The following DENND5B variants were observed in gnomAD, a reference collection of about 807,000 sequenced individuals.
DENND5B encodes the protein DENN domain-containing protein 5B.
Under a neutral mutation model 140.6 loss-of-function variants are expected in DENND5B, and 34 were observed. The observed-to-expected ratio is 0.24, with a 90% CI of 0.18 to 0.32. The LOEUF (loss-of-function observed/expected upper bound fraction) is 0.32, where lower values mean the gene tolerates loss of function less well. DENND5B is among the 10% of genes least tolerant of loss of function. The probability of loss-of-function intolerance (pLI) is 1.00; values close to 1 mark genes in which losing one functional copy is unlikely to be tolerated. For missense variants in DENND5B, 1,142 were observed against 1,560.2 expected (o/e 0.73, Z 4.52); for synonymous variants, 551 against 562.1 (o/e 0.98, Z 0.28).
At chr12:31,408,483 C>A (rs190900741) in intron 14 of DENND5B, among the ~76,000 whole-genome samples, 6 of 151,344 alleles carry the variant, frequency 4.0e-5, no homozygotes, top group Non-Finnish European at 8.8e-5. Flanking sequence ...AAAAATTAGC[C>A]GGGTGTGGTG....
At chr12:31,398,073 TA>T in intron 17 of DENND5B, 101 bp downstream of exon 17, 1 of 973,048 alleles carries the variant, frequency 1.0e-6, no homozygotes, top group Non-Finnish European at 1.4e-6. Flanking sequence ...TTCTTCTTTT[TA>T]AAATCTCCTC....
Position 31,499,659 on chromosome 12 carries a change from C to T in DENND5B, c.128-3740G>A, listed in dbSNP as rs1946929070. The T allele has an allele frequency of 2.0e-6, 3 of 1,498,414 alleles. No homozygotes were observed. The East Asian group carries it at 7.5e-5, about 38-fold the overall frequency. The allele number at this position is 1,498,414 out of a possible 1,614,324, so 92.8% of individuals were successfully genotyped here. A position where few individuals can be genotyped will look rare whatever the true frequency, so the allele number is the denominator to read the frequency against. On this transcript the variant is annotated intron_variant, in intron 1 of 20. Transcript: ENST00000389082. ...CTTGCCATGACGATCTGCTTCTAGC[C>T]ATTGGTACAAAACTACATAATGTAA...
intron 1 of DENND5B, among the ~76,000 whole-genome samples, chr12:31,510,532 A>C (rs1449966444): frequency 1.3e-5 from 2 of 152,142 alleles, no homozygotes; most frequent in African/African-American, 4.8e-5. Context: ...TCAGTTCCTT[A>C]TGGTTGTAGA....
chr12:31,447,788 G>A lies in DENND5B; in HGVS notation c.1630-19C>T. On this transcript the variant is annotated intron_variant, in intron 5 of 20. Transcript: ENST00000389082. ...AGGAAGCCTGTAATGAGATAATTAGGAAATTATTAGTGCAAAGAGACCATC... is the reference window on the plus strand; with the variant it reads ...AGGAAGCCTGTAATGAGATAATTAGAAAATTATTAGTGCAAAGAGACCATC... The A allele has an allele frequency of 6.6e-7, 1 of 1,516,756 alleles. No homozygotes were observed. Among genetic ancestry groups the A allele is most frequent in the Non-Finnish European group, 9.0e-7 (1 of 1,112,026 alleles). 94.0% of individuals were successfully genotyped at this position (1,516,756 alleles called of 1,614,324 possible). A position where few individuals can be genotyped will look rare whatever the true frequency, so the allele number is the denominator to read the frequency against.
rs985521196 is a variant in DENND5B, at chr12:31,563,988, A to G, written c.127+26718T>C. ...AAAAATTAGCTGAGCATGGTAGTGC[A>G]TGCCTGTAATCCCAGCTACTAGGGA... On this transcript the variant is annotated intron_variant, in intron 1 of 20. Coordinates refer to ENST00000389082, the MANE Select transcript of DENND5B (RefSeq NM_144973.4). 5.9e-5 allele frequency among the ~76,000 whole-genome samples: 9 copies of G among 152,130 alleles called. 1 individual carries two copies. The highest frequency in any genetic ancestry group is 3.9e-4 in the Admixed American group (6 of 15,258).
chr12:31,522,314 G>A (rs1019026877), intron 1 of DENND5B, among the ~76,000 whole-genome samples: 9 of 152,302 alleles, frequency 5.9e-5, no homozygotes, highest in African/African-American at 1.7e-4. Context: ...GCCATATCAG[G>A]AACTAAAATT....
intron 1 of DENND5B, among the ~76,000 whole-genome samples, chr12:31,553,343 G>A (rs548165227): frequency 6.6e-6 from 1 of 152,296 alleles, no homozygotes; most frequent in South Asian, 2.1e-4. Context: ...TCAGGAGCAG[G>A]TTGTTCAGTT....
chr12:31,551,708 C>T (rs1949068374), intron 1 of DENND5B, among the ~76,000 whole-genome samples: 1 of 152,104 alleles, frequency 6.6e-6, no homozygotes, highest in South Asian at 2.1e-4. Context: ...ATGGAATGTT[C>T]TTCCATTTGT....
At position 31,385,505 on chromosome 12, in the gene DENND5B, C is replaced by T. The variant is rs1940812520; in HGVS notation, c.*2098G>A. 1 of 152,156 alleles carries T rather than the reference C, an allele frequency of 6.6e-6. No homozygotes were observed. Among genetic ancestry groups the T allele is most frequent in the African/African-American group, 2.4e-5 (1 of 41,430 alleles). The allele number at this position is 152,156 out of a possible 1,614,324, so 9.4% of individuals were successfully genotyped here. A position where few individuals can be genotyped will look rare whatever the true frequency, so the allele number is the denominator to read the frequency against. On this transcript the variant is annotated 3_prime_UTR_variant, in exon 21 of 21. Transcript: ENST00000389082. The stretch of plus-strand genomic sequence containing the variant: ...ACATGAAATCCTGGGTTGGACCCCT[C>T]TATAGTTTCTGATCACCAAACACAG...
At chr12:31,543,390 T>C (rs1948752544) in intron 1 of DENND5B, among the ~76,000 whole-genome samples, 1 of 152,224 alleles carries the variant, frequency 6.6e-6, no homozygotes, top group African/African-American at 2.4e-5. Context: ...TGACTTTTTA[T>C]AAAAGTAATT....
At chr12:31,527,231 A>G (rs1948115742) in intron 1 of DENND5B, among the ~76,000 whole-genome samples, 1 of 152,192 alleles carries the variant, frequency 6.6e-6, no homozygotes, top group Admixed American at 6.5e-5. Context: ...GACATGAAGG[A>G]GGTGAGACAG....
chr12:31,397,339 G>C (rs1941529117), intron 17 of DENND5B, among the ~76,000 whole-genome samples: 1 of 151,920 alleles, frequency 6.6e-6, no homozygotes, highest in Non-Finnish European at 1.5e-5. Context: ...TCAAGGTCAA[G>C]AGATTGAGAC....
chr12:31,576,731 GT>G (rs201747049), intron 1 of DENND5B, among the ~76,000 whole-genome samples: 1 of 151,288 alleles, frequency 6.6e-6, no homozygotes, highest in Non-Finnish European at 1.5e-5. Context: ...AAAAAAAAAT[GT>G]TTTTTTTAAT....
chr12:31,590,076 C>CCT (rs1340812642), intron 1 of DENND5B: 1 of 152,396 alleles, frequency 6.6e-6, no homozygotes, highest in Non-Finnish European at 1.5e-5. Context: ...TCCAAAGGTC[C>CCT]CTGCCAGCTC....
intron 7 of DENND5B, among the ~76,000 whole-genome samples, chr12:31,439,474 CATATT>C (rs1943926553): frequency 7.9e-6 from 1 of 126,176 alleles, no homozygotes; most frequent in Middle Eastern, 4.1e-3. Flanking sequence ...TGTTACTTGA[CATATT>C]AGGTTCCTTT....
chr12:31,502,294 G>A lies in DENND5B; in HGVS notation c.128-6375C>T, dbSNP rs184376170. 1.1e-3 allele frequency among the ~76,000 whole-genome samples: 170 copies of A among 151,986 alleles called. 1 individual carries two copies. Among genetic ancestry groups the A allele is most frequent in the Middle Eastern group, 6.8e-3 (2 of 294 alleles). ...CACGCCACTGCACTCCAGCCTGGGT[G>A]ACAGAGCAAAGCTGTCTCAAAAACA... On this transcript the variant is annotated intron_variant, in intron 1 of 20. Coordinates refer to ENST00000389082, the MANE Select transcript of DENND5B (RefSeq NM_144973.4).
chr12:31,558,774 C>G (rs1016287440), intron 1 of DENND5B, among the ~76,000 whole-genome samples: 7 of 152,138 alleles, frequency 4.6e-5, no homozygotes, highest in Non-Finnish European at 2.9e-5. Flanking sequence ...TAAGCATTAA[C>G]TATGCATCCA....
chr12:31,578,153 T>G (rs1461104337), intron 1 of DENND5B, among the ~76,000 whole-genome samples: 3 of 130,146 alleles, frequency 2.3e-5, no homozygotes, highest in Admixed American at 7.8e-5. Context: ...AAAAAAAAAC[T>G]ACAACCCTAA....
chr12:31,472,807 C>A (rs1044056165), intron 3 of DENND5B, among the ~76,000 whole-genome samples: 2 of 152,134 alleles, frequency 1.3e-5, no homozygotes, highest in African/African-American at 4.8e-5. Context: ...TAAAGACTCA[C>A]AAAAGGGCCA....
Sources: allele counts gnomAD v4.1 joint callset (sites outside exome capture counted in the v4.1 genomes callset), GRCh38; gene constraint gnomAD v4.1.1; transcripts MANE v1.5; gene names NCBI Gene and HGNC (gene_info 2026-07-23, HGNC 2026-07-21).